HHEX: variants seen among roughly 807,000 people sequenced by gnomAD.
HHEX encodes hematopoietically expressed homeobox, also known as hematopoietically-expressed homeobox protein HHEX.
HHEX carries 8 observed loss-of-function variants against 27.0 expected under a neutral mutation model. That is an observed-to-expected ratio of 0.30 (90% confidence interval 0.17 to 0.54). The LOEUF (loss-of-function observed/expected upper bound fraction) is 0.54, where lower values mean the gene tolerates loss of function less well. Among genes scored for constraint, HHEX ranks in the 20% least tolerant of loss-of-function variants. HHEX has a pLI of 0.95. For synonymous variants in HHEX, 164 were observed against 161.5 expected (o/e 1.02, Z -0.12); for missense variants, 326 against 357.2 (o/e 0.91, Z 0.70).
Position 92,693,587 on chromosome 10 carries a change from AAAAG to A in HHEX, c.591+840_591+843del, listed in dbSNP as rs557499469. ...TTTATTGATCATTACTTTTTCATTA[AAAAG>A]AAAGTGTCCCAAAGAATATTTTGAA... On this transcript the variant is annotated intron_variant, in intron 3 of 3. Coordinates refer to ENST00000282728, the MANE Select transcript of HHEX (RefSeq NM_002729.5). Among the ~76,000 whole-genome samples, 163 of 152,330 alleles carry A rather than the reference AAAAG, an allele frequency of 1.1e-3. 1 individual carries two copies. The highest frequency in any genetic ancestry group is 3.6e-3 in the African/African-American group (149 of 41,584).
chr10:92,691,412 T>G (rs1386063579), intron 1 of HHEX, among the ~76,000 whole-genome samples: 4 of 152,210 alleles, frequency 2.6e-5, no homozygotes, highest in South Asian at 2.1e-4. Flanking sequence ...CTGAAAACAA[T>G]TAACGTCTTA....
In HHEX at chr10:92,690,257, T is replaced by C; in HGVS notation, c.271T>C (p.Tyr91His). Residue 91 changes from tyrosine (Y) to histidine (H), a missense_variant, in exon 1 of 4, where the codon TAC becomes CAC. By Grantham distance (83) the Tyr-to-His change is moderately conservative. This residue lies in a region of HHEX where 215 missense variants were observed against 196.4 expected (regional missense o/e 1.09). Coordinates refer to ENST00000282728, the MANE Select transcript of HHEX (RefSeq NM_002729.5). Reference protein sequence around the residue: ...HHSAAALAAAYGPGGFGGPLY... With the variant: ...HHSAAALAAAHGPGGFGGPLY... ...CTCCGCCGCCGCGCTGGCCGCTGCC[T>C]ACGGACCCGGCGGCTTCGGGGGCCC... 6.4e-7 allele frequency: 1 copy of C among 1,560,446 alleles called. No individual in the cohort carries two copies. The highest frequency in any genetic ancestry group is 2.4e-5 in the East Asian group (1 of 42,056).
Position 92,690,029 on chromosome 10 carries a change from G to A in HHEX, c.43G>A (p.Val15Met). 3 of 1,511,226 alleles carry A rather than the reference G, an allele frequency of 2.0e-6. No individual in the cohort carries two copies. The highest frequency in any genetic ancestry group is 4.4e-4 in the Middle Eastern group (2 of 4,518). The allele number at this position is 1,511,226 out of a possible 1,614,324, so 93.6% of individuals were successfully genotyped here. A position where few individuals can be genotyped will look rare whatever the true frequency, so the allele number is the denominator to read the frequency against. Residue 15 changes from valine (V) to methionine (M), a missense_variant, in exon 1 of 4, where the codon GTG (valine) becomes ATG (methionine). Coordinates refer to ENST00000282728, the MANE Select transcript of HHEX (RefSeq NM_002729.5). ...HPGPAAGAVG[V>M]PLYAPTPLLQ... ...CGGGCCGGCGGCGGGCGCCGTGGGG[G>A]TGCCGCTGTACGCGCCCACGCCGCT...
At chr10:92,692,114 A>G in intron 1 of HHEX, 1 of 365,524 alleles carries the variant, frequency 2.7e-6, no homozygotes, top group Non-Finnish European at 5.0e-6. Context: ...GTCTGGATTT[A>G]GTTCTAGGTG....
At chr10:92,690,428 GGGCA>G (rs1361432968) in intron 1 of HHEX, 81 bp downstream of exon 1, 2 of 1,372,086 alleles carry the variant, frequency 1.5e-6, no homozygotes, top group Non-Finnish European at 1.9e-6. Flanking sequence ...GGGGCGAAGG[GGGCA>G]GGCGGTAGAC....
At chr10:92,692,293 C>A in intron 1 of HHEX, 75 bp from the exon 2 acceptor site, 4 of 1,514,246 alleles carry the variant, frequency 2.6e-6, no homozygotes, top group South Asian at 2.4e-5. Flanking sequence ...TTTGTCATCC[C>A]TGGGGCCCGA....
chr10:92,692,769 GT>G lies in HHEX; in HGVS notation c.591+20del. 1 of 1,600,276 alleles carries G rather than the reference GT, an allele frequency of 6.2e-7. No homozygotes were observed. The highest frequency in any genetic ancestry group is 8.6e-7 in the Non-Finnish European group (1 of 1,167,560). ...CTAAAACAGGTATGGACATGGTTCT[GT>G]TTCTATGGAAATAAATATTTTTATC... is the stretch of plus-strand genomic sequence containing the variant. On this transcript the variant is annotated intron_variant, in intron 3 of 3. Coordinates refer to ENST00000282728, the MANE Select transcript of HHEX (RefSeq NM_002729.5).
rs766233439 is a variant in HHEX at position 92,694,654 on chromosome 10, C to T, written c.699C>T (p.Ser233=). ...AGAATAAAGGTGCTTCTTTGGATAG[C>T]TCTCAATGTTCGCCCTCCCCTGCCT... ...SEQNKGASLD[S]SQCSPSPASQ... is the part of the protein sequence containing the mutation. The change falls in exon 4 of 4, where the codon AGC becomes AGT. Residue 233 remains serine, a synonymous_variant. Coordinates refer to ENST00000282728, the MANE Select transcript of HHEX (RefSeq NM_002729.5). 6.2e-7 allele frequency: 1 copy of T among 1,614,042 alleles called. No homozygotes were observed. The highest frequency in any genetic ancestry group is 8.5e-7 in the Non-Finnish European group (1 of 1,179,882).
In HHEX at chr10:92,694,799, T is replaced by C. The variant is rs951691661; in HGVS notation, c.*31T>C. ...ACTGGCATTGGCATGTTCAGAAAAC[T>C]GGATTTAGGAATAATGTTTTGCTAC... is the stretch of plus-strand genomic sequence containing the variant. On this transcript the variant is annotated 3_prime_UTR_variant, in exon 4 of 4. Transcript: ENST00000282728. The C allele has an allele frequency of 6.8e-7, 1 of 1,471,776 alleles. No homozygotes were observed. Among genetic ancestry groups the C allele is most frequent in the Non-Finnish European group, 9.5e-7 (1 of 1,054,186 alleles). 91.2% of individuals were successfully genotyped at this position (1,471,776 alleles called of 1,614,324 possible).
At chr10:92,692,889 C>T (rs1160729994) in intron 3 of HHEX, 137 bp downstream of exon 3, 4 of 723,670 alleles carry the variant, frequency 5.5e-6, no homozygotes, top group Non-Finnish European at 9.2e-6. Context: ...GACAAATAGT[C>T]CTGCTGAAAT....
At chr10:92,690,664 G>A (rs1208425752) in intron 1 of HHEX, among the ~76,000 whole-genome samples, 1 of 152,174 alleles carries the variant, frequency 6.6e-6, no homozygotes, top group Non-Finnish European at 1.5e-5. Flanking sequence ...AAGGGGCGTC[G>A]AGGCGCCCCT....
intron 1 of HHEX, 178 bp from the exon 2 acceptor site, chr10:92,692,190 T>C (rs1845361648): frequency 1.7e-6 from 1 of 592,648 alleles, no homozygotes. Flanking sequence ...GTGTGTGACT[T>C]TGGGTATGTT....
chr10:92,692,234 C>T, intron 1 of HHEX, 134 bp from the exon 2 acceptor site: 1 of 811,310 alleles, frequency 1.2e-6, no homozygotes, highest in Non-Finnish European at 2.0e-6. Flanking sequence ...GGTCCACGTG[C>T]CGGTGGGTGT....
At chr10:92,690,703 G>A (rs1321907541) in intron 1 of HHEX, among the ~76,000 whole-genome samples, 1 of 152,226 alleles carries the variant, frequency 6.6e-6, no homozygotes, top group Non-Finnish European at 1.5e-5. Context: ...AGGGATCGCA[G>A]CCGGGCCCGG....
In HHEX at chr10:92,694,726, A is replaced by AG. The variant is rs1845387791; in HGVS notation, c.772dup (p.Val258GlyfsTer4). 2 of 1,614,156 alleles carry AG rather than the reference A, an allele frequency of 1.2e-6. No individual in the cohort carries two copies. Among genetic ancestry groups the AG allele is most frequent in the Non-Finnish European group, 1.7e-6 (2 of 1,179,996 alleles). On this transcript the variant is annotated frameshift_variant, in exon 4 of 4. Coordinates refer to ENST00000282728, the MANE Select transcript of HHEX (RefSeq NM_002729.5). LOFTEE classifies it high-confidence loss of function. Reference sequence around the variant, plus strand: ...AGATTTCAGAGGATTCTGATCAGGAAGTGGACATTGAGGGCGATAAAAGCT... The same window carrying AG: ...AGATTTCAGAGGATTCTGATCAGGAAGGTGGACATTGAGGGCGATAAAAGCT...
chr10:92,692,146 T>C (rs1845361396), intron 1 of HHEX: 2 of 502,932 alleles, frequency 4.0e-6, no homozygotes, highest in Non-Finnish European at 7.1e-6. Context: ...TGTCTGTCTG[T>C]GTGTGTACAA....
At chr10:92,691,799 GCCGCCC>G (rs1185064841) in intron 1 of HHEX, 2 of 152,478 alleles carry the variant, frequency 1.3e-5, no homozygotes, top group African/African-American at 4.8e-5. Flanking sequence ...GCTTTAACTG[GCCGCCC>G]CCGCGGGCTG....
chr10:92,692,344 G>A, intron 1 of HHEX, 24 bp from the exon 2 acceptor site: 1 of 1,610,688 alleles, frequency 6.2e-7, no homozygotes, highest in East Asian at 2.2e-5. Flanking sequence ...GGCAGTGGGT[G>A]AGCGCCGCTC....
rs1218282600 is a variant in HHEX at position 92,692,411 on chromosome 10, T to C, written c.405T>C (p.His135=). ...GCCCCTTCTTGCAGAGGCCTCTGCATAAAAGGAAAGGCGGCCAGGTGAGAT... is the reference window on the plus strand; with the variant it reads ...GCCCCTTCTTGCAGAGGCCTCTGCACAAAAGGAAAGGCGGCCAGGTGAGAT... ...LWSPFLQRPL[H]KRKGGQVRFS... Residue 135 remains histidine (H), a synonymous_variant, in exon 2 of 4, where the codon CAT becomes CAC. Coordinates refer to ENST00000282728, the MANE Select transcript of HHEX (RefSeq NM_002729.5). 1 of 1,613,864 alleles carries C rather than the reference T, an allele frequency of 6.2e-7. No individual in the cohort carries two copies. The highest frequency in any genetic ancestry group is 1.7e-5 in the Admixed American group (1 of 60,016).
Sources: allele counts gnomAD v4.1 joint callset (sites outside exome capture counted in the v4.1 genomes callset), GRCh38; gene constraint gnomAD v4.1.1; regional missense constraint gnomAD v4.1.1; transcripts MANE v1.5; gene names NCBI Gene and HGNC (gene_info 2026-07-23, HGNC 2026-07-21).